The following TOX3 variants were observed in gnomAD, a reference collection of about 807,000 sequenced individuals.
TOX3 encodes the protein CAG trinucleotide repeat-containing gene F9 protein.
A neutral mutation model predicts 64.3 loss-of-function variants in TOX3; 22 were observed. The ratio of observed to expected loss-of-function variants is 0.34; its 90% CI spans 0.24 to 0.49. The LOEUF (loss-of-function observed/expected upper bound fraction) is 0.49, where lower values mean the gene tolerates loss of function less well. Ranked by LOEUF, TOX3 falls within the 20% of genes least tolerant of loss-of-function variation. TOX3 has a pLI of 0.99. For missense variants in TOX3, 661 were observed against 714.4 expected (o/e 0.93, Z 0.85); for synonymous variants, 291 against 273.6 (o/e 1.06, Z -0.63).
intron 1 of TOX3, among the ~76,000 whole-genome samples, chr16:52,531,124 G>T (rs74017874): frequency 3.6e-3 from 542 of 152,284 alleles, no homozygotes; most frequent in African/African-American, 0.013. Context: ...GATTGGGGAG[G>T]ATATTCGAAA....
chr16:52,506,590 C>T lies in TOX3; in HGVS notation c.88-38016G>A, dbSNP rs551511049. On this transcript the variant is annotated intron_variant, in intron 1 of 6. Transcript: ENST00000219746. ...AATAGAACCCACAGAGTCATGGAAG[C>T]CAGCCCCCTACCATAAATTGTTCAT... 1.2e-4 allele frequency among the ~76,000 whole-genome samples: 19 copies of T among 152,172 alleles called. No individual in the cohort carries two copies. The South Asian group carries it at 3.7e-3, about 30-fold the overall frequency.
rs1246395291 is a variant in TOX3, at chr16:52,547,059, G to T, written c.-336C>A. ...CGAGGCGAGTTCAGGTGCGCTGGGCGAGGCTGGGACGGCGGCGGCGGCGGC... is the reference window on the plus strand; with the variant it reads ...CGAGGCGAGTTCAGGTGCGCTGGGCTAGGCTGGGACGGCGGCGGCGGCGGC... On this transcript the variant is annotated 5_prime_UTR_variant, in exon 1 of 7. Coordinates refer to ENST00000219746, the MANE Select transcript of TOX3 (RefSeq NM_001080430.4). The T allele has an allele frequency of 1.6e-6, 1 of 635,386 alleles. No individual in the cohort carries two copies. Among genetic ancestry groups the T allele is most frequent in the Non-Finnish European group, 2.0e-6 (1 of 512,144 alleles). The allele number at this position is 635,386 out of a possible 1,614,324, so 39.4% of individuals were successfully genotyped here. A position where few individuals can be genotyped will look rare whatever the true frequency, so the allele number is the denominator to read the frequency against.
intron 1 of TOX3, among the ~76,000 whole-genome samples, chr16:52,545,148 A>C (rs1963148425): frequency 6.6e-6 from 1 of 152,222 alleles, no homozygotes; most frequent in Non-Finnish European, 1.5e-5. Flanking sequence ...TAAATCCAAA[A>C]TCAGAGGACA....
At chr16:52,444,198 A>T (rs896268167) in intron 6 of TOX3, 78 bp downstream of exon 6, 14 of 1,111,970 alleles carry the variant, frequency 1.3e-5, no homozygotes, top group Non-Finnish European at 2.5e-6. Flanking sequence ...GGGGAGCTAC[A>T]AGTATGTTTT....
intron 1 of TOX3, among the ~76,000 whole-genome samples, chr16:52,541,001 C>T (rs1200595550): frequency 6.6e-6 from 1 of 152,102 alleles, no homozygotes; most frequent in Non-Finnish European, 1.5e-5. Flanking sequence ...AACTGATAAA[C>T]TTAGAAAGAG....
intron 1 of TOX3, among the ~76,000 whole-genome samples, chr16:52,524,922 G>A (rs1420531): frequency 0.16 from 24,446 of 151,336 alleles, 2,286 homozygotes; most frequent in Middle Eastern, 0.25. Context: ...TTCTGTGATG[G>A]TAACCTCCCC....
At position 52,437,213 on chromosome 16, in the gene TOX3, T is replaced by C. The variant is rs961290450; in HGVS notation, c.*2012A>G. 1.3e-5 allele frequency: 2 copies of C among 152,212 alleles called. No homozygotes were observed. The highest frequency in any genetic ancestry group is 4.8e-5 in the African/African-American group (2 of 41,462). 9.4% of individuals were successfully genotyped at this position (152,212 alleles called of 1,614,324 possible). On this transcript the variant is annotated 3_prime_UTR_variant, in exon 7 of 7. Transcript: ENST00000219746. ...AGCAAGAAATCCATAAATTTATAATTAGAATCTCTTGCTGTTCAATATTTG... is the reference window on the plus strand; with the variant it reads ...AGCAAGAAATCCATAAATTTATAATCAGAATCTCTTGCTGTTCAATATTTG...
intron 1 of TOX3, among the ~76,000 whole-genome samples, chr16:52,542,128 G>A (rs572820186): frequency 1.3e-5 from 2 of 152,286 alleles, no homozygotes; most frequent in African/African-American, 4.8e-5. Context: ...CAGATCAATA[G>A]TGCTTAGAGC....
Position 52,519,976 on chromosome 16 carries a change from CAAA to C in TOX3, c.87+26658_87+26660del, listed in dbSNP as rs61541718. On this transcript the variant is annotated intron_variant, in intron 1 of 6. Transcript: ENST00000219746. ...ACAGAGCAAGACTCTGTCTCAAAAA[CAAA>C]AAAAAAAAAAAAAGAAGAAGAAGAA... Among the ~76,000 whole-genome samples, 213 of 127,614 alleles carry C rather than the reference CAAA, an allele frequency of 1.7e-3. 3 individuals are homozygous for C. Among genetic ancestry groups the C allele is most frequent in the African/African-American group, 3.4e-3 (130 of 37,686 alleles). 83.7% of individuals were successfully genotyped at this position (127,614 alleles called of 152,430 possible). A position where few individuals can be genotyped will look rare whatever the true frequency, so the allele number is the denominator to read the frequency against.
At chr16:52,458,412 C>T (rs1049948590) in intron 3 of TOX3, among the ~76,000 whole-genome samples, 6 of 152,066 alleles carry the variant, frequency 3.9e-5, no homozygotes, top group Non-Finnish European at 7.3e-5. Flanking sequence ...TAACTCTCAC[C>T]TCTCCAAAAA....
intron 6 of TOX3, among the ~76,000 whole-genome samples, chr16:52,440,752 CTT>C (rs60615310): frequency 9.2e-4 from 61 of 66,590 alleles, no homozygotes; most frequent in African/African-American, 2.6e-3. Flanking sequence ...TTCTTTCTTT[CTT>C]TTTTTTTTTT....
At chr16:52,470,822 C>T (rs2151760744) in intron 1 of TOX3, among the ~76,000 whole-genome samples, 1 of 152,310 alleles carries the variant, frequency 6.6e-6, no homozygotes, top group East Asian at 1.9e-4. Flanking sequence ...TTACAAAGCA[C>T]TCCTTGCATA....
At chr16:52,536,693 A>G (rs1381747174) in intron 1 of TOX3, among the ~76,000 whole-genome samples, 2 of 136,374 alleles carry the variant, frequency 1.5e-5, no homozygotes, top group Non-Finnish European at 1.6e-5. Context: ...GTATATATAG[A>G]ACAAGATATA....
At chr16:52,517,954 G>C (rs1962501040) in intron 1 of TOX3, among the ~76,000 whole-genome samples, 1 of 151,992 alleles carries the variant, frequency 6.6e-6, no homozygotes, top group Admixed American at 6.6e-5. Flanking sequence ...ATAAAAAGTA[G>C]GGCAAAGTGA....
chr16:52,486,747 C>T (rs535299313), intron 1 of TOX3, among the ~76,000 whole-genome samples: 37 of 152,154 alleles, frequency 2.4e-4, no homozygotes, highest in Non-Finnish European at 4.3e-4. Context: ...GCCTGGGCAA[C>T]ATATTGAGAC....
chr16:52,546,665 T>G lies in TOX3; in HGVS notation c.59A>C (p.Gln20Pro). 1 of 1,542,420 alleles carries G rather than the reference T, an allele frequency of 6.5e-7. No individual in the cohort carries two copies. Residue 20 changes from glutamine to proline, a missense_variant, in exon 1 of 7, where the codon CAG becomes CCG. Physicochemically the swap from Gln to Pro is moderately conservative, Grantham distance 76 (BLOSUM62 -1). Coordinates refer to ENST00000219746, the MANE Select transcript of TOX3 (RefSeq NM_001080430.4). ...GCTGTAGCCGTAGTACCCCAGGCAC[T>G]GCGCGAAGTCCAGGCTGGCAGGGTC... ...AGDPASLDFAQCLGYYGYSKF... is the reference protein window; with the variant it reads ...AGDPASLDFAPCLGYYGYSKF...
At chr16:52,458,562 A>G in intron 3 of TOX3, among the ~76,000 whole-genome samples, 1 of 152,184 alleles carries the variant, frequency 6.6e-6, no homozygotes, top group Non-Finnish European at 1.5e-5. Context: ...AGGGAAATAA[A>G]CCACAGCCAG....
intron 1 of TOX3, among the ~76,000 whole-genome samples, chr16:52,494,434 T>C (rs1402968022): frequency 6.6e-6 from 1 of 152,228 alleles, no homozygotes; most frequent in Non-Finnish European, 1.5e-5. Flanking sequence ...ACTTAATACT[T>C]GAACAGGAAA....
intron 1 of TOX3, among the ~76,000 whole-genome samples, chr16:52,480,964 AG>A (rs1961355037): frequency 1.3e-5 from 2 of 151,934 alleles, no homozygotes; most frequent in African/African-American, 4.8e-5. Flanking sequence ...TCTGGCATCC[AG>A]GGGATAAAGG....
Sources: allele counts gnomAD v4.1 joint callset (sites outside exome capture counted in the v4.1 genomes callset), GRCh38; gene constraint gnomAD v4.1.1; transcripts MANE v1.5; gene names NCBI Gene and HGNC (gene_info 2026-07-23, HGNC 2026-07-21).